Variants in CSMD1 observed in about 807,000 individuals in gnomAD.
CSMD1 encodes the protein CUB and sushi domain-containing protein 1.
Under a neutral mutation model 417.5 loss-of-function variants are expected in CSMD1, and 213 were observed. That is an observed-to-expected ratio of 0.51 (90% CI 0.46 to 0.57). CSMD1 has a LOEUF of 0.57. Among genes scored for constraint, CSMD1 ranks in the 20% least tolerant of loss-of-function variants. The probability of loss-of-function intolerance (pLI) is 0.00; values close to 1 mark genes in which losing one functional copy is unlikely to be tolerated. For synonymous variants in CSMD1, 2,862 were observed against 1,736.8 expected (o/e 1.65, Z -16.11); for missense variants, 6,923 against 4,529.7 (o/e 1.53, Z -15.17).
chr8:4,108,658 T>G (rs923615502), intron 3 of CSMD1, among the ~76,000 whole-genome samples: 1 of 152,206 alleles, frequency 6.6e-6, no homozygotes. Context: ...ACCTGACACT[T>G]TCGACAAATT....
At chr8:3,396,879 C>T (rs1020144632) in intron 16 of CSMD1, among the ~76,000 whole-genome samples, 5 of 151,494 alleles carry the variant, frequency 3.3e-5, no homozygotes, top group Non-Finnish European at 5.9e-5. Context: ...AACACCTTTC[C>T]TGAAAAAAAA....
chr8:4,716,601 T>C (rs949137614), intron 1 of CSMD1, among the ~76,000 whole-genome samples: 1 of 152,210 alleles, frequency 6.6e-6, no homozygotes, highest in South Asian at 2.1e-4. Flanking sequence ...TAGAAATGAG[T>C]AGCAGAATAT....
At chr8:4,596,292 C>T (rs946953972) in intron 2 of CSMD1, among the ~76,000 whole-genome samples, 1 of 152,100 alleles carries the variant, frequency 6.6e-6, no homozygotes. Flanking sequence ...GGGAGAGATG[C>T]TTAACCCAAG....
At chr8:3,300,441 C>T (rs750952766) in intron 25 of CSMD1, among the ~76,000 whole-genome samples, 1 of 151,994 alleles carries the variant, frequency 6.6e-6, no homozygotes, top group Non-Finnish European at 1.5e-5. Context: ...GCTTATCCTG[C>T]ACATAATGAG....
In CSMD1 at chr8:3,157,909, G is replaced by C. The variant is rs1317107906; in HGVS notation, c.5902C>G (p.Pro1968Ala). 5.1e-6 allele frequency: 8 copies of C among 1,554,196 alleles called. No homozygotes were observed. The highest frequency in any genetic ancestry group is 7.0e-6 in the Non-Finnish European group (8 of 1,148,298). ...GTVRRWNYPS[P>A]LCIATCGGTL... ...GGTGCATCCTTACCAATGCACAGGG[G>C]AGACGGATAGTTCCAACGGCGAACG... The change falls in exon 39 of 70, where the codon CCC (proline) becomes GCC (alanine). Residue 1968 changes from proline (P) to alanine (A), a missense_variant. By Grantham distance (27) the Pro-to-Ala change is conservative (BLOSUM62 -1). Transcript: ENST00000635120.
At position 3,308,422 on chromosome 8, in the gene CSMD1, G is replaced by A; in HGVS notation, c.3713C>T (p.Thr1238Ile). 1.9e-6 allele frequency: 3 copies of A among 1,613,862 alleles called. No individual in the cohort carries two copies. Among genetic ancestry groups the A allele is most frequent in the Non-Finnish European group, 2.5e-6 (3 of 1,179,818 alleles). The change falls in exon 24 of 70, where the codon ACT (threonine) becomes ATT (isoleucine). Residue 1238 changes from threonine (T) to isoleucine (I), a missense_variant. Coordinates refer to ENST00000635120, the MANE Select transcript of CSMD1 (RefSeq NM_033225.6). ...RIRDEGHFTDTVVLYSCNPGY... is the reference protein window; with the variant it reads ...RIRDEGHFTDIVVLYSCNPGY... The stretch of plus-strand genomic sequence containing the variant: ...CGGGTTGCAACTGTACAGAACTACA[G>A]TGTCGGTAAAGTGGCCTTCATCACG...
At chr8:3,860,054 G>A (rs940238242) in intron 5 of CSMD1, among the ~76,000 whole-genome samples, 5 of 151,946 alleles carry the variant, frequency 3.3e-5, no homozygotes, top group Admixed American at 6.6e-5. Context: ...ATGCCCTTGC[G>A]CTTTGCAGTA....
chr8:4,645,481 C>G (rs957072741), intron 1 of CSMD1, among the ~76,000 whole-genome samples: 6 of 105,946 alleles, frequency 5.7e-5, no homozygotes, highest in Non-Finnish European at 9.3e-5. Flanking sequence ...AAGCAAAGCA[C>G]TGGGCTTCGG....
chr8:3,928,769 T>A (rs1809929590), intron 5 of CSMD1, among the ~76,000 whole-genome samples: 1 of 138,104 alleles, frequency 7.2e-6, no homozygotes, highest in South Asian at 2.5e-4. Flanking sequence ...GTGGTCCAGA[T>A]CCCACCCACC....
intron 3 of CSMD1, among the ~76,000 whole-genome samples, chr8:4,099,924 A>G (rs1801219072): frequency 6.6e-6 from 1 of 152,176 alleles, no homozygotes; most frequent in Non-Finnish European, 1.5e-5. Context: ...ACAAAAAATC[A>G]ACAACAACAA....
chr8:4,224,564 C>T (rs1001603552), intron 3 of CSMD1, among the ~76,000 whole-genome samples: 2 of 152,268 alleles, frequency 1.3e-5, no homozygotes. Flanking sequence ...GGAAGTCCCA[C>T]GGTGCTTCAG....
At chr8:3,222,063 C>T (rs781000803) in intron 28 of CSMD1, among the ~76,000 whole-genome samples, 21 of 152,096 alleles carry the variant, frequency 1.4e-4, no homozygotes, top group Non-Finnish European at 2.4e-4. Context: ...TCTGCTTGAG[C>T]ACATGCAAAC....
At chr8:4,518,720 C>G (rs1319900399) in intron 2 of CSMD1, among the ~76,000 whole-genome samples, 1 of 151,736 alleles carries the variant, frequency 6.6e-6, no homozygotes, top group African/African-American at 2.4e-5. Flanking sequence ...ACATATGTAA[C>G]TAACCTGCAC....
intron 7 of CSMD1, among the ~76,000 whole-genome samples, chr8:3,663,769 C>T (rs1004726159): frequency 6.6e-6 from 1 of 152,196 alleles, no homozygotes; most frequent in African/African-American, 2.4e-5. Context: ...GTTCACCTCA[C>T]ATATGCTGAT....
chr8:4,311,720 C>G (rs1481455821), intron 3 of CSMD1, among the ~76,000 whole-genome samples: 2 of 43,422 alleles, frequency 4.6e-5, no homozygotes, highest in Non-Finnish European at 6.9e-5. Context: ...AAGACTCAGT[C>G]TCAAAAAAAA....
intron 1 of CSMD1, among the ~76,000 whole-genome samples, chr8:4,965,970 C>T (rs964733264): frequency 2.6e-5 from 4 of 152,100 alleles, no homozygotes; most frequent in Non-Finnish European, 5.9e-5. Flanking sequence ...CTCAAGTTTA[C>T]ACCTTAATCC....
At chr8:4,623,289 A>C (rs1801886289) in intron 2 of CSMD1, among the ~76,000 whole-genome samples, 1 of 152,308 alleles carries the variant, frequency 6.6e-6, no homozygotes, top group African/African-American at 2.4e-5. Flanking sequence ...ACCGTAAAAT[A>C]ACACTCTACA....
intron 3 of CSMD1, among the ~76,000 whole-genome samples, chr8:4,135,173 T>C (rs763598049): frequency 2.6e-5 from 4 of 152,172 alleles, no homozygotes; most frequent in Non-Finnish European, 5.9e-5. Context: ...AAAATTTTCA[T>C]TAGACAGGCT....
intron 2 of CSMD1, among the ~76,000 whole-genome samples, chr8:4,537,984 G>A (rs1404294544): frequency 6.6e-6 from 1 of 152,170 alleles, no homozygotes; most frequent in East Asian, 1.9e-4. Flanking sequence ...CTCAAAACCA[G>A]ACACCATGCT....
Sources: gnomAD v4.1 joint callset for allele counts (sites outside exome capture counted in the v4.1 genomes callset) on GRCh38, gnomAD v4.1.1 for gene constraint, MANE v1.5 for transcripts, NCBI Gene and HGNC (gene_info 2026-07-23, HGNC 2026-07-21) for gene names.